The following SLC25A26 variants were observed in gnomAD, a reference collection of about 807,000 sequenced individuals.
SLC25A26 encodes the protein solute carrier family 25 member 26, also known as mitochondrial S-adenosylmethionine carrier protein.
A neutral mutation model predicts 37.8 loss-of-function variants in SLC25A26; 36 were observed. The ratio of observed to expected loss-of-function variants is 0.95; its 90% confidence interval spans 0.73 to 1.26. The LOEUF is 1.26. Ranked by LOEUF, SLC25A26 falls within the 50% of genes most tolerant of loss-of-function variation. SLC25A26 has a pLI of 0.00. For missense variants in SLC25A26, 390 were observed against 331.1 expected, an observed-to-expected ratio of 1.18 and a Z score of -1.38; for synonymous variants, 129 against 122.5, an observed-to-expected ratio of 1.05 and a Z score of -0.35.
chr3:66,213,521 G>A lies in SLC25A26; in HGVS notation c.-353-7221G>A, dbSNP rs1032521658. On this transcript the variant is annotated intron_variant, in intron 1 of 10. Transcript: ENST00000676754. ...CACAGCAAAATTGAGCAGAAAGTAC[G>A]GAGATTTCTCATATATCCTCTGCCC... is the stretch of plus-strand genomic sequence containing the variant. Among the ~76,000 whole-genome samples, 173 of 150,636 alleles carry A rather than the reference G, an allele frequency of 1.1e-3. 3 individuals carry two copies. The highest frequency in any genetic ancestry group is 9.3e-3 in the Admixed American group (140 of 15,070).
chr3:66,252,080 A>G (rs1262557900), intron 3 of SLC25A26, among the ~76,000 whole-genome samples: 1 of 152,240 alleles, frequency 6.6e-6, no homozygotes, highest in Non-Finnish European at 1.5e-5. Context: ...TTGCCACTGC[A>G]TTGTAAATGG....
chr3:66,183,178 C>A (rs1368533564), intron 1 of SLC25A26, among the ~76,000 whole-genome samples: 1 of 151,948 alleles, frequency 6.6e-6, no homozygotes, highest in African/African-American at 2.4e-5. Context: ...GACCCTGAAC[C>A]TAATCCTTTC....
chr3:66,201,316 G>T (rs1336173902), intron 1 of SLC25A26, among the ~76,000 whole-genome samples: 2 of 151,574 alleles, frequency 1.3e-5, no homozygotes. Context: ...TATATATAAA[G>T]ATTGTTTATA....
At chr3:66,160,006 CT>C (rs1329326570) in intron 1 of SLC25A26, among the ~76,000 whole-genome samples, 3 of 151,572 alleles carry the variant, frequency 2.0e-5, no homozygotes, top group East Asian at 1.9e-4. Context: ...AATAATGAAT[CT>C]TTTTTTTTCT....
intron 3 of SLC25A26, among the ~76,000 whole-genome samples, chr3:66,246,417 A>T (rs548402158): frequency 1.3e-5 from 2 of 152,322 alleles, no homozygotes; most frequent in African/African-American, 4.8e-5. Context: ...TAGCTATTAG[A>T]TTTCTCATGT....
chr3:66,149,932 T>A (rs113215974), intron 1 of SLC25A26, among the ~76,000 whole-genome samples: 89 of 152,288 alleles, frequency 5.8e-4, no homozygotes, highest in African/African-American at 2.0e-3. Context: ...TTATCCAAGG[T>A]CATATGACAG....
At chr3:66,224,060 T>C (rs2071625131) in intron 1 of SLC25A26, among the ~76,000 whole-genome samples, 1 of 152,202 alleles carries the variant, frequency 6.6e-6, no homozygotes, top group South Asian at 2.1e-4. Context: ...GAATGTACTA[T>C]AATTACATGG....
intron 6 of SLC25A26, among the ~76,000 whole-genome samples, chr3:66,361,978 AAAAG>A (rs2076718024): frequency 6.6e-6 from 1 of 152,094 alleles, no homozygotes; most frequent in African/African-American, 2.4e-5. Flanking sequence ...GTCTCAAAAA[AAAAG>A]AAGAAAGAAA....
chr3:66,199,422 C>T (rs1047736373), intron 1 of SLC25A26, among the ~76,000 whole-genome samples: 3 of 152,100 alleles, frequency 2.0e-5, no homozygotes, highest in African/African-American at 7.2e-5. Context: ...ATGATCCTAA[C>T]CCTTATCCTG....
chr3:66,170,208 A>G (rs2106729855), intron 1 of SLC25A26, among the ~76,000 whole-genome samples: 1 of 152,258 alleles, frequency 6.6e-6, no homozygotes, highest in East Asian at 1.9e-4. Context: ...ATATGCAAAA[A>G]TGGAGCAGGA....
chr3:66,243,039 T>C (rs2072655189), intron 2 of SLC25A26, among the ~76,000 whole-genome samples, 164 bp from the exon 3 acceptor site: 1 of 152,234 alleles, frequency 6.6e-6, no homozygotes, highest in African/African-American at 2.4e-5. Flanking sequence ...ATGGCGTCAG[T>C]AAACTCTGAA....
intron 5 of SLC25A26, among the ~76,000 whole-genome samples, chr3:66,325,239 T>C (rs558650847): frequency 2.6e-5 from 4 of 152,258 alleles, no homozygotes; most frequent in East Asian, 1.9e-4. Flanking sequence ...AAAAATCAAA[T>C]ACAAATTAAA....
At chr3:66,151,328 G>C (rs776528936) in intron 1 of SLC25A26, among the ~76,000 whole-genome samples, 1 of 152,106 alleles carries the variant, frequency 6.6e-6, no homozygotes, top group Admixed American at 6.6e-5. Context: ...GCTAGGTTAC[G>C]AGGGAAGCAG....
At chr3:66,301,755 T>G (rs1010988576) in intron 5 of SLC25A26, among the ~76,000 whole-genome samples, 32 of 152,206 alleles carry the variant, frequency 2.1e-4, no homozygotes, top group African/African-American at 7.7e-4. Context: ...AGATACAGAA[T>G]TAAAAGCCTA....
intron 2 of SLC25A26, among the ~76,000 whole-genome samples, chr3:66,237,128 A>G (rs1240656801): frequency 1.3e-5 from 2 of 152,214 alleles, no homozygotes; most frequent in East Asian, 1.9e-4. Context: ...GGCATGAGCC[A>G]CTGTGCTGGG....
At chr3:66,244,641 A>G (rs1576698990) in intron 3 of SLC25A26, among the ~76,000 whole-genome samples, 1 of 152,214 alleles carries the variant, frequency 6.6e-6, no homozygotes, top group Non-Finnish European at 1.5e-5. Context: ...GGCAACAGTG[A>G]CAAAAAATAG....
chr3:66,274,613 G>A (rs1434616612), intron 5 of SLC25A26, among the ~76,000 whole-genome samples: 1 of 152,196 alleles, frequency 6.6e-6, no homozygotes, highest in Non-Finnish European at 1.5e-5. Context: ...CACTTCTCCA[G>A]AGAAGACATT....
At chr3:66,159,937 G>A (rs995689779) in intron 1 of SLC25A26, among the ~76,000 whole-genome samples, 1 of 152,124 alleles carries the variant, frequency 6.6e-6, no homozygotes, top group Non-Finnish European at 1.5e-5. Flanking sequence ...TGAAAAAATG[G>A]GTCTTGGCCC....
At chr3:66,259,422 C>A (rs1458007989) in intron 3 of SLC25A26, among the ~76,000 whole-genome samples, 2 of 152,098 alleles carry the variant, frequency 1.3e-5, no homozygotes, top group South Asian at 2.1e-4. Context: ...CTTACCTGTC[C>A]CCCAGACTTC....
Sources: allele counts gnomAD v4.1 joint callset (sites outside exome capture counted in the v4.1 genomes callset), GRCh38; gene constraint gnomAD v4.1.1; transcripts MANE v1.5; gene names NCBI Gene and HGNC (gene_info 2026-07-23, HGNC 2026-07-21).